NRG4: variants seen among roughly 807,000 people sequenced by gnomAD.
The protein encoded by NRG4 is pro-neuregulin-4, membrane-bound isoform.
In NRG4, 10 loss-of-function variants were observed where a neutral mutation model predicts 15.0. The observed-to-expected ratio is 0.67, with a 90% CI of 0.41 to 1.13. The LOEUF (loss-of-function observed/expected upper bound fraction) is 1.13. Ranked by LOEUF, NRG4 falls within the 50% of genes most tolerant of loss-of-function variation. The probability of loss-of-function intolerance (pLI) is 0.00; values close to 1 mark genes in which losing one functional copy is unlikely to be tolerated. For synonymous variants in NRG4, 41 were observed against 50.1 expected (o/e 0.82, Z 0.77); for missense variants, 139 against 140.2 (o/e 0.99, Z 0.04).
intron 3 of NRG4, among the ~76,000 whole-genome samples, chr15:76,000,347 T>C (rs1275965594): frequency 2.0e-5 from 3 of 152,302 alleles, no homozygotes; most frequent in South Asian, 2.1e-4. Flanking sequence ...ATTGATATTA[T>C]AGACAAAAGG....
chr15:75,948,501 A>G (rs1446156821), intron 5 of NRG4, among the ~76,000 whole-genome samples: 1 of 152,006 alleles, frequency 6.6e-6, no homozygotes, highest in Non-Finnish European at 1.5e-5. Context: ...GGATTTCACC[A>G]TGCTGGCCAG....
chr15:75,963,833 C>T (rs542306713), intron 3 of NRG4, among the ~76,000 whole-genome samples: 1 of 151,232 alleles, frequency 6.6e-6, no homozygotes, highest in East Asian at 1.9e-4. Context: ...GTCCCAGCTA[C>T]TCTGGAGGCT....
At chr15:76,025,067 C>A (rs926671993) in intron 5 of NRG4, among the ~76,000 whole-genome samples, 1 of 152,164 alleles carries the variant, frequency 6.6e-6, no homozygotes, top group African/African-American at 2.4e-5. Context: ...AGATTCCAAT[C>A]ATAAGGAACT....
chr15:75,964,123 C>T (rs143345973), intron 3 of NRG4, among the ~76,000 whole-genome samples: 1 of 151,862 alleles, frequency 6.6e-6, no homozygotes, highest in East Asian at 1.9e-4. Context: ...TTCCTGCTTC[C>T]CAAAAGGGAA....
chr15:76,017,820 C>T lies in NRG4; in HGVS notation c.-56-6534G>A, dbSNP rs140534173. On this transcript the variant is annotated intron_variant, in intron 5 of 8. Transcript: ENST00000563910. Reference sequence around the variant, plus strand: ...TTATGTGTCTTGGGGTTGCTCTTCTCGAGTAGTATCTTTGTGGTGTTCTCG... The same window carrying T: ...TTATGTGTCTTGGGGTTGCTCTTCTTGAGTAGTATCTTTGTGGTGTTCTCG... Among the ~76,000 whole-genome samples, 544 of 151,926 alleles carry T rather than the reference C, an allele frequency of 3.6e-3. 4 individuals carry two copies. The highest frequency in any genetic ancestry group is 0.012 in the African/African-American group (501 of 41,432).
chr15:76,042,362 T>G (rs1256447789), intron 4 of NRG4, among the ~76,000 whole-genome samples: 1 of 151,284 alleles, frequency 6.6e-6, no homozygotes, highest in Non-Finnish European at 1.5e-5. Flanking sequence ...AAAAGATCAA[T>G]GAAATAAAAA....
intron 3 of NRG4, among the ~76,000 whole-genome samples, chr15:75,978,391 T>A (rs904028115): frequency 1.3e-5 from 2 of 152,226 alleles, no homozygotes; most frequent in African/African-American, 4.8e-5. Flanking sequence ...ATTTTTTTTA[T>A]GGCTGAATAA....
At chr15:76,042,317 A>G (rs1043529733) in intron 4 of NRG4, among the ~76,000 whole-genome samples, 2 of 152,022 alleles carry the variant, frequency 1.3e-5, no homozygotes, top group Admixed American at 1.3e-4. Context: ...GTAGAAGAAT[A>G]AAGAGCAGAG....
At chr15:75,996,273 C>T (rs1238627173) in intron 3 of NRG4, among the ~76,000 whole-genome samples, 1 of 151,162 alleles carries the variant, frequency 6.6e-6, no homozygotes, top group Non-Finnish European at 1.5e-5. Context: ...TCACAATGTA[C>T]TTCATTTAAC....
At chr15:76,019,347 G>C (rs2035080857) in intron 5 of NRG4, among the ~76,000 whole-genome samples, 1 of 152,100 alleles carries the variant, frequency 6.6e-6, no homozygotes, top group Non-Finnish European at 1.5e-5. Context: ...GAACGGTTCT[G>C]TCTCGCTGGT....
At chr15:75,963,040 T>TGA (rs1218516437) in intron 3 of NRG4, among the ~76,000 whole-genome samples, 1 of 152,342 alleles carries the variant, frequency 6.6e-6, no homozygotes, top group Admixed American at 6.5e-5. Flanking sequence ...AATCAACATG[T>TGA]GAATTAACTA....
chr15:75,995,481 C>T (rs2034181268), intron 3 of NRG4, among the ~76,000 whole-genome samples: 1 of 152,118 alleles, frequency 6.6e-6, no homozygotes, highest in Non-Finnish European at 1.5e-5. Context: ...CATAAAGGGT[C>T]TGCCCTCATG....
intron 3 of NRG4, among the ~76,000 whole-genome samples, chr15:75,980,660 G>A (rs1028203195): frequency 2.0e-5 from 3 of 152,062 alleles, no homozygotes; most frequent in Non-Finnish European, 4.4e-5. Context: ...TTGCCACATA[G>A]CATCCAGAGC....
rs142622889 is a variant in NRG4, at chr15:76,001,480, C to T, written c.104+7720G>A. On this transcript the variant is annotated intron_variant, in intron 3 of 5. Transcript: ENST00000394907. ...TAAGGATTATTTGATACTCATTGCA[C>T]ATCTCCAGTTCTCAGTCACACTAGC... Among the ~76,000 whole-genome samples the T allele has an allele frequency of 1.6e-4, 25 of 152,322 alleles. No individual in the cohort carries two copies. The East Asian group carries it at 4.4e-3, about 27-fold the overall frequency.
rs2031207090 is a variant in NRG4 at position 75,943,529 on chromosome 15, G to A, written c.*109C>T. 1.1e-5 allele frequency: 8 copies of A among 719,884 alleles called. No individual in the cohort carries two copies. Among genetic ancestry groups the A allele is most frequent in the South Asian group, 5.1e-5 (3 of 58,926 alleles). The allele number at this position is 719,884 out of a possible 1,614,324, so 44.6% of individuals were successfully genotyped here. ...GGTTCATGATACGAGTTACACAAGC[G>A]TTTTATTTAAGAAATAAAGGATTAG... On this transcript the variant is annotated 3_prime_UTR_variant, in exon 6 of 6. Coordinates refer to ENST00000394907, the MANE Select transcript of NRG4 (RefSeq NM_138573.4).
intron 3 of NRG4, among the ~76,000 whole-genome samples, chr15:75,990,671 G>GTTTTTTTTTT (rs374504639): frequency 3.1e-5 from 4 of 130,614 alleles, no homozygotes; most frequent in Non-Finnish European, 3.2e-5. Context: ...GTTGGTAATT[G>GTTTTTTTTTT]TTTTTTTTTT....
intron 3 of NRG4, among the ~76,000 whole-genome samples, chr15:75,993,392 TAAAAAAAAAAAAAA>T (rs60453624): frequency 1.4e-5 from 1 of 72,178 alleles, no homozygotes; most frequent in Non-Finnish European, 2.8e-5. Flanking sequence ...GAGGATTCTG[TAAAAAAAAAAAAAA>T]AAAAAAAAAA....
At chr15:76,008,257 A>G (rs759633855) in intron 3 of NRG4, among the ~76,000 whole-genome samples, 1 of 152,066 alleles carries the variant, frequency 6.6e-6, no homozygotes, top group African/African-American at 2.4e-5. Flanking sequence ...TAGAGAAGAA[A>G]AACACCTGGG....
Position 75,969,867 on chromosome 15 carries a change from G to A in NRG4, c.105-7893C>T, listed in dbSNP as rs148632226. 4.3e-3 allele frequency among the ~76,000 whole-genome samples: 650 copies of A among 152,254 alleles called. 12 individuals are homozygous for A. Among genetic ancestry groups the A allele is most frequent in the African/African-American group, 0.015 (615 of 41,546 alleles). On this transcript the variant is annotated intron_variant, in intron 3 of 5. Coordinates refer to ENST00000394907, the MANE Select transcript of NRG4 (RefSeq NM_138573.4). ...GGAGTTGTTTTATGCATTTTAAACT[G>A]TTCTTTTATTATAAGCTTCAAGGCT...
Sources: gnomAD v4.1 joint callset for allele counts (sites outside exome capture counted in the v4.1 genomes callset) on GRCh38, gnomAD v4.1.1 for gene constraint, MANE v1.5 for transcripts, NCBI Gene and HGNC (gene_info 2026-07-23, HGNC 2026-07-21) for gene names.